ATF7IP2: variants seen among roughly 807,000 people sequenced by gnomAD.
ATF7IP2 encodes activating transcription factor 7-interacting protein 2.
In ATF7IP2, 42 loss-of-function variants were observed where a neutral mutation model predicts 64.2. That is an observed-to-expected ratio of 0.65 (90% CI 0.51 to 0.85). The LOEUF (loss-of-function observed/expected upper bound fraction) is 0.85, where lower values mean the gene tolerates loss of function less well. ATF7IP2 is among the 40% of genes least tolerant of loss of function. The pLI, the probability that ATF7IP2 is intolerant of heterozygous loss-of-function variation, is 0.00. For missense variants in ATF7IP2, 933 were observed against 784.2 expected, an observed-to-expected ratio of 1.19 and a Z score of -2.27; for synonymous variants, 308 against 272.8, an observed-to-expected ratio of 1.13 and a Z score of -1.27.
chr16:10,444,527 G>C lies in ATF7IP2; in HGVS notation c.1194+4065G>C, dbSNP rs780813123. On this transcript the variant is annotated intron_variant, in intron 8 of 13. Coordinates refer to ENST00000562102, the MANE Select transcript of ATF7IP2 (RefSeq NM_001393719.1). Reference sequence around the variant, plus strand: ...TTGGGTCCTAAGAGAAGACAAAGTAGAAGATAGACCAAGTATGTAATGTCT... The same window carrying C: ...TTGGGTCCTAAGAGAAGACAAAGTACAAGATAGACCAAGTATGTAATGTCT... Among the ~76,000 whole-genome samples the C allele has an allele frequency of 3.3e-5, 5 of 152,316 alleles. No homozygotes were observed. In the East Asian group the frequency reaches 9.6e-4, roughly 29 times the overall value.
At chr16:10,460,236 T>C (rs1240207225) in intron 9 of ATF7IP2, among the ~76,000 whole-genome samples, 2 of 151,898 alleles carry the variant, frequency 1.3e-5, no homozygotes, top group East Asian at 3.9e-4. Context: ...AGAGAAACAA[T>C]AGCTGAAGAA....
At chr16:10,417,018 G>A (rs886701401) in intron 2 of ATF7IP2, among the ~76,000 whole-genome samples, 7 of 152,056 alleles carry the variant, frequency 4.6e-5, no homozygotes, top group Non-Finnish European at 5.9e-5. Flanking sequence ...TCTTATGTAC[G>A]CACAGAAGTT....
intron 9 of ATF7IP2, among the ~76,000 whole-genome samples, chr16:10,466,109 TACTC>T (rs2049559806): frequency 6.6e-6 from 1 of 152,232 alleles, no homozygotes; most frequent in Admixed American, 6.5e-5. Context: ...AATGGAATCA[TACTC>T]AGTGAGCTCT....
intron 8 of ATF7IP2, among the ~76,000 whole-genome samples, chr16:10,449,942 G>A (rs940918712): frequency 2.0e-5 from 3 of 151,708 alleles, no homozygotes; most frequent in Non-Finnish European, 2.9e-5. Flanking sequence ...GATCTTTCCC[G>A]CTTGTGGGCA....
chr16:10,430,627 A>G lies in ATF7IP2; in HGVS notation c.7A>G (p.Ser3Gly), dbSNP rs778902470. The G allele has an allele frequency of 6.2e-7, 1 of 1,604,384 alleles. No individual in the cohort carries two copies. The highest frequency in any genetic ancestry group is 1.1e-5 in the South Asian group (1 of 90,314). The change falls in exon 5 of 14, where the codon AGT (serine) becomes GGT (glycine). Residue 3 changes from serine (S) to glycine (G), a missense_variant. Transcript: ENST00000562102. MA[S>G]PDRSKRKILK... ...AAATTCCAGGATATGAAAGATGGCA[A>G]GTCCAGATAGAAGTAAACGGAAGAT...
At chr16:10,467,771 T>A (rs1024288809) in intron 9 of ATF7IP2, among the ~76,000 whole-genome samples, 3 of 151,836 alleles carry the variant, frequency 2.0e-5, no homozygotes, top group Admixed American at 6.6e-5. Flanking sequence ...CAGGCTGGTC[T>A]CAAACTCCTG....
chr16:10,397,523 T>G (rs1012533059), intron 1 of ATF7IP2, among the ~76,000 whole-genome samples: 2 of 152,122 alleles, frequency 1.3e-5, no homozygotes, highest in African/African-American at 4.8e-5. Flanking sequence ...GAGTTTGAGG[T>G]TACAGTGAGC....
At chr16:10,405,047 A>G (rs1256935729) in intron 1 of ATF7IP2, among the ~76,000 whole-genome samples, 1 of 152,144 alleles carries the variant, frequency 6.6e-6, no homozygotes, top group African/African-American at 2.4e-5. Context: ...ATAAATCCTC[A>G]GATCCTAAAC....
chr16:10,437,910 G>C (rs2048476597), intron 6 of ATF7IP2, among the ~76,000 whole-genome samples, 191 bp from the exon 7 acceptor site: 1 of 152,104 alleles, frequency 6.6e-6, no homozygotes, highest in Non-Finnish European at 1.5e-5. Flanking sequence ...TTAAATATTG[G>C]ATGTGTTCTG....
At chr16:10,425,054 A>AT (rs59143669) in intron 3 of ATF7IP2, among the ~76,000 whole-genome samples, 4,171 of 132,158 alleles carry the variant, frequency 0.032, 84 homozygotes, top group Middle Eastern at 0.1. Flanking sequence ...TTTATATCAG[A>AT]TTTTTTTTTT....
chr16:10,412,010 G>GTTTTTTT (rs71133351), intron 1 of ATF7IP2, among the ~76,000 whole-genome samples: 27 of 58,396 alleles, frequency 4.6e-4, no homozygotes, highest in East Asian at 1.1e-3. Flanking sequence ...ATCTTTTTTT[G>GTTTTTTT]TTTTTTTTTT....
chr16:10,389,127 G>T (rs2047269764), intron 1 of ATF7IP2, among the ~76,000 whole-genome samples: 1 of 152,156 alleles, frequency 6.6e-6, no homozygotes, highest in African/African-American at 2.4e-5. Flanking sequence ...GACTAGGAGG[G>T]AAGGTTGATA....
intron 12 of ATF7IP2, among the ~76,000 whole-genome samples, chr16:10,480,304 T>G (rs1404777064): frequency 6.6e-6 from 1 of 152,064 alleles, no homozygotes; most frequent in East Asian, 1.9e-4. Context: ...TCCATTCTTT[T>G]GCCTACTTGT....
At chr16:10,422,841 A>G (rs754073209) in intron 3 of ATF7IP2, among the ~76,000 whole-genome samples, 1 of 152,198 alleles carries the variant, frequency 6.6e-6, no homozygotes, top group African/African-American at 2.4e-5. Context: ...GAGCTGCGCT[A>G]TACACGCTCC....
intron 1 of ATF7IP2, among the ~76,000 whole-genome samples, chr16:10,392,433 C>T (rs555639065): frequency 9.3e-4 from 141 of 151,172 alleles, no homozygotes; most frequent in Non-Finnish European, 1.5e-3. Context: ...GCTAGGATTA[C>T]AGGTGTGAGC....
intron 1 of ATF7IP2, among the ~76,000 whole-genome samples, chr16:10,396,605 G>A (rs79730807): frequency 0.02 from 3,051 of 151,772 alleles, 93 homozygotes; most frequent in African/African-American, 0.069. Context: ...TCACTGCAGC[G>A]TCTGCCTCCT....
chr16:10,477,952 T>C (rs1249707491), intron 12 of ATF7IP2, among the ~76,000 whole-genome samples: 1 of 143,236 alleles, frequency 7.0e-6, no homozygotes, highest in African/African-American at 2.5e-5. Context: ...ACAAGGGATG[T>C]GAAGGACCTC....
intron 8 of ATF7IP2, among the ~76,000 whole-genome samples, chr16:10,452,238 TC>T (rs1337060237): frequency 2.0e-5 from 3 of 152,212 alleles, no homozygotes; most frequent in African/African-American, 7.2e-5. Flanking sequence ...TGGGCTGGTT[TC>T]TCCCCATCTT....
chr16:10,463,909 G>T (rs958573163), intron 9 of ATF7IP2, among the ~76,000 whole-genome samples: 3 of 152,114 alleles, frequency 2.0e-5, no homozygotes, highest in South Asian at 2.1e-4. Context: ...TATGGATTGT[G>T]GCACCCCTCC....
Sources: gnomAD v4.1 joint callset for allele counts (sites outside exome capture counted in the v4.1 genomes callset) on GRCh38, gnomAD v4.1.1 for gene constraint, MANE v1.5 for transcripts, NCBI Gene and HGNC (gene_info 2026-07-23, HGNC 2026-07-21) for gene names.